The following NCKAP5 variants were observed in gnomAD, a reference collection of about 807,000 sequenced individuals.
The protein encoded by NCKAP5 is nck-associated protein 5.
Under a neutral mutation model 167.0 loss-of-function variants are expected in NCKAP5, and 92 were observed. That is an observed-to-expected ratio of 0.55 (90% CI 0.47 to 0.66). The LOEUF (loss-of-function observed/expected upper bound fraction) is 0.66, where lower values mean the gene tolerates loss of function less well. NCKAP5 is among the 30% of genes least tolerant of loss of function. The pLI is 0.00. For synonymous variants in NCKAP5, 891 were observed against 877.4 expected (o/e 1.02, Z -0.27); for missense variants, 2,378 against 2,315.0 (o/e 1.03, Z -0.56).
chr2:133,317,382 C>A (rs867188333), intron 3 of NCKAP5, among the ~76,000 whole-genome samples: 1 of 152,068 alleles, frequency 6.6e-6, no homozygotes, highest in Non-Finnish European at 1.5e-5. Context: ...ATGGCCACCC[C>A]CCTCCTTCCA....
intron 5 of NCKAP5, among the ~76,000 whole-genome samples, chr2:133,179,504 GACA>G: frequency 6.6e-6 from 1 of 152,214 alleles, no homozygotes; most frequent in African/African-American, 2.4e-5. Flanking sequence ...ATCAATAGAT[GACA>G]ACGAGAAGAC....
At chr2:132,807,898 T>C (rs770496486) in intron 11 of NCKAP5, among the ~76,000 whole-genome samples, 17 of 152,196 alleles carry the variant, frequency 1.1e-4, no homozygotes, top group Non-Finnish European at 1.8e-4. Flanking sequence ...GGGATGGTCA[T>C]AGATGGCTTT....
chr2:133,198,644 T>G (rs1247842367), intron 5 of NCKAP5, among the ~76,000 whole-genome samples: 1 of 152,112 alleles, frequency 6.6e-6, no homozygotes, highest in Admixed American at 6.6e-5. Context: ...AAGAAAGACC[T>G]AAATGAACAG....
chr2:132,952,264 A>C (rs1340884967), intron 8 of NCKAP5, among the ~76,000 whole-genome samples: 1 of 152,224 alleles, frequency 6.6e-6, no homozygotes, highest in Non-Finnish European at 1.5e-5. Flanking sequence ...TATGGAGATT[A>C]GTCCTTGATG....
chr2:133,036,663 A>T (rs1203656493), intron 6 of NCKAP5, among the ~76,000 whole-genome samples: 2 of 152,056 alleles, frequency 1.3e-5, no homozygotes, highest in Non-Finnish European at 2.9e-5. Context: ...TAGAAGGAAC[A>T]TACCTCAACA....
chr2:133,507,867 A>G (rs1683149117), intron 3 of NCKAP5, among the ~76,000 whole-genome samples: 1 of 152,190 alleles, frequency 6.6e-6, no homozygotes, highest in Non-Finnish European at 1.5e-5. Context: ...ATGGCCATGA[A>G]CCCTATGGAT....
chr2:133,360,862 T>C (rs1374093881), intron 3 of NCKAP5, among the ~76,000 whole-genome samples: 3 of 151,300 alleles, frequency 2.0e-5, no homozygotes, highest in South Asian at 4.2e-4. Context: ...TAGAAGATCA[T>C]GGCTAATCAA....
At chr2:133,525,912 T>C (rs1401213336) in intron 2 of NCKAP5, among the ~76,000 whole-genome samples, 1 of 152,082 alleles carries the variant, frequency 6.6e-6, no homozygotes, top group East Asian at 1.9e-4. Flanking sequence ...TCACATTTCT[T>C]TGCTCTAGTT....
chr2:132,711,483 T>A (rs1295031751), intron 19 of NCKAP5, among the ~76,000 whole-genome samples: 1 of 152,208 alleles, frequency 6.6e-6, no homozygotes, highest in Non-Finnish European at 1.5e-5. Context: ...GGCTCAGTGA[T>A]CCAACATTAT....
intron 3 of NCKAP5, among the ~76,000 whole-genome samples, chr2:133,480,891 T>G (rs1680363700): frequency 6.6e-6 from 1 of 152,228 alleles, no homozygotes; most frequent in Non-Finnish European, 1.5e-5. Context: ...AAAGCCGGAT[T>G]GCTCAAGTCA....
intron 2 of NCKAP5, among the ~76,000 whole-genome samples, chr2:133,529,159 T>A (rs894065765): frequency 1.3e-5 from 2 of 152,132 alleles, no homozygotes; most frequent in African/African-American, 4.8e-5. Context: ...GTAAAAAACA[T>A]ACCATATTAA....
intron 3 of NCKAP5, among the ~76,000 whole-genome samples, chr2:133,470,984 C>A (rs6727666): frequency 6.6e-6 from 1 of 152,206 alleles, no homozygotes; most frequent in Non-Finnish European, 1.5e-5. Flanking sequence ...GCATCGCTCA[C>A]GCTGGGAGCT....
At chr2:133,086,973 A>G (rs1218836993) in intron 6 of NCKAP5, among the ~76,000 whole-genome samples, 2 of 152,228 alleles carry the variant, frequency 1.3e-5, no homozygotes, top group Non-Finnish European at 2.9e-5. Context: ...ATTTTTAAAA[A>G]TCTAGAAAAG....
chr2:132,733,950 C>T (rs1045100752), intron 16 of NCKAP5, among the ~76,000 whole-genome samples: 4 of 152,170 alleles, frequency 2.6e-5, no homozygotes, highest in African/African-American at 4.8e-5. Flanking sequence ...AATACAGATA[C>T]TCTTTTCTCC....
At chr2:133,514,175 G>A (rs563605014) in intron 3 of NCKAP5, among the ~76,000 whole-genome samples, 1 of 152,292 alleles carries the variant, frequency 6.6e-6, no homozygotes, top group East Asian at 1.9e-4. Context: ...AGGCAAACTT[G>A]TAGTCACTTG....
At chr2:133,362,073 C>G (rs771984291) in intron 3 of NCKAP5, among the ~76,000 whole-genome samples, 6 of 151,736 alleles carry the variant, frequency 4.0e-5, no homozygotes, top group Non-Finnish European at 8.8e-5. Context: ...CTGATGACAT[C>G]TATAGGGAGT....
intron 15 of NCKAP5, among the ~76,000 whole-genome samples, chr2:132,777,569 G>C (rs991338181): frequency 6.6e-6 from 1 of 152,086 alleles, no homozygotes; most frequent in Non-Finnish European, 1.5e-5. Flanking sequence ...AGTGAGACAG[G>C]AAATAATCCT....
Position 132,941,471 on chromosome 2 carries a change from T to C in NCKAP5, c.579+22249A>G, listed in dbSNP as rs568752162. ...TCCAATGAGAGTGAGCCCTGGGATG[T>C]TGGCTGGAATGACATTCTTTCCACT... On this transcript the variant is annotated intron_variant, in intron 8 of 19. Transcript: ENST00000409261. Among the ~76,000 whole-genome samples the C allele has an allele frequency of 2.9e-4, 27 of 93,536 alleles. No individual in the cohort carries two copies. The South Asian group carries it at 0.012, about 40-fold the overall frequency. The allele number at this position is 93,536 out of a possible 152,430, so 61.4% of individuals were successfully genotyped here. A position where few individuals can be genotyped will look rare whatever the true frequency, so the allele number is the denominator to read the frequency against.
chr2:132,673,338 A>G, intron 19 of NCKAP5, 33 bp from the exon 20 acceptor site: 1 of 1,390,338 alleles, frequency 7.2e-7, no homozygotes, highest in Non-Finnish European at 9.7e-7. Flanking sequence ...TTAGAAACAT[A>G]TTTCTTTGGA....
Sources: gnomAD v4.1 joint callset for allele counts (sites outside exome capture counted in the v4.1 genomes callset) on GRCh38, gnomAD v4.1.1 for gene constraint, MANE v1.5 for transcripts, NCBI Gene and HGNC (gene_info 2026-07-23, HGNC 2026-07-21) for gene names.